Variants in ARHGAP39 observed in about 807,000 individuals in gnomAD.
The protein encoded by ARHGAP39 is Rho GTPase activating protein 39, also known as rho GTPase-activating protein 39.
A neutral mutation model predicts 106.9 loss-of-function variants in ARHGAP39; 44 were observed. The ratio of observed to expected loss-of-function variants is 0.41; its 90% CI spans 0.32 to 0.53. The LOEUF is 0.53. Among genes scored for constraint, ARHGAP39 ranks in the 20% least tolerant of loss-of-function variants. The pLI is 0.21. For synonymous variants in ARHGAP39, 768 were observed against 693.2 expected (o/e 1.11, Z -1.69); for missense variants, 1,496 against 1,577.3 (o/e 0.95, Z 0.87).
In ARHGAP39 at chr8:144,537,800, T is replaced by C. The variant is rs372291412; in HGVS notation, c.2535A>G (p.Ile845Met). The change falls in exon 7 of 12, where the codon ATA becomes ATG. Residue 845 changes from isoleucine (I) to methionine (M), a missense_variant. Transcript: ENST00000377307. The part of the protein sequence containing the change: ...PVNDTKVTQH[I>M]KELLERNTKK... ...TAGTGTTTCTTTCCAGGAGCTCTTTTATGTGCTGTGTCACTGGGGAGCAAA... is the reference window on the plus strand; with the variant it reads ...TAGTGTTTCTTTCCAGGAGCTCTTTCATGTGCTGTGTCACTGGGGAGCAAA... The C allele has an allele frequency of 1.1e-5, 17 of 1,613,962 alleles. No homozygotes were observed. The African/African-American group carries it at 1.9e-4, about 18-fold the overall frequency.
At chr8:144,569,686 G>C (rs954157926) in intron 3 of ARHGAP39, among the ~76,000 whole-genome samples, 1 of 152,246 alleles carries the variant, frequency 6.6e-6, no homozygotes, top group Non-Finnish European at 1.5e-5. Flanking sequence ...GGCACCAGTG[G>C]AAAGTGCACT....
At chr8:144,691,885 C>T in the ARHGAP39 span, among the ~76,000 whole-genome samples, 1 of 151,922 alleles carries the variant, frequency 6.6e-6, no homozygotes, top group Non-Finnish European at 1.5e-5. Flanking sequence ...GACAAGAAGC[C>T]GGCATTGACT....
rs1283725962 is a variant in ARHGAP39, at chr8:144,647,870, A to C, written c.-82+37816T>G. 6.6e-6 allele frequency among the ~76,000 whole-genome samples: 1 copy of C among 152,250 alleles called. No homozygotes were observed. Among genetic ancestry groups the C allele is most frequent in the Admixed American group, 6.5e-5 (1 of 15,292 alleles). On this transcript the variant is annotated intron_variant, in intron 1 of 11. Coordinates refer to ENST00000377307, the MANE Select transcript of ARHGAP39 (RefSeq NM_025251.3). This position sits in a 1 kb window ranked among gnomAD's most constrained non-coding sequence, Gnocchi z 4.8. ...ATGTGCCAAGTACTGTACATAAAAT[A>C]AGTCCATATCCAGACTCATTGCCCT...
At chr8:144,650,141 T>C (rs1027892959) in intron 1 of ARHGAP39, among the ~76,000 whole-genome samples, 1 of 151,506 alleles carries the variant, frequency 6.6e-6, no homozygotes, top group African/African-American at 2.4e-5. Flanking sequence ...AGACTCTGTC[T>C]TGGAAAAAAA....
chr8:144,601,925 G>GCA (rs1346036342), intron 2 of ARHGAP39, among the ~76,000 whole-genome samples: 4 of 145,866 alleles, frequency 2.7e-5, no homozygotes, highest in Admixed American at 6.9e-5. Flanking sequence ...ACCTGTGTGT[G>GCA]TGCATGGAGG....
At chr8:144,605,903 A>C (rs1482656466) in intron 1 of ARHGAP39, 3 of 454,516 alleles carry the variant, frequency 6.6e-6, no homozygotes, top group Non-Finnish European at 1.2e-5. Flanking sequence ...CCCCACACGC[A>C]GCAGGGAGGC....
In ARHGAP39 at chr8:144,595,349, C is replaced by T. The variant is rs115482402; in HGVS notation, c.80+10186G>A. ...GCGAAGGACCACTCGTATGATTCCA[C>T]GTACTTCAATCGTCTGGAGCAGGTG... On this transcript the variant is annotated intron_variant, in intron 2 of 11. Transcript: ENST00000377307. 2.3e-3 allele frequency among the ~76,000 whole-genome samples: 346 copies of T among 152,250 alleles called. 1 individual carries two copies. The highest frequency in any genetic ancestry group is 7.9e-3 in the African/African-American group (327 of 41,554).
At chr8:144,607,389 G>A (rs1820332988) in intron 1 of ARHGAP39, among the ~76,000 whole-genome samples, 2 of 152,108 alleles carry the variant, frequency 1.3e-5, no homozygotes, top group South Asian at 2.1e-4. Context: ...AGGGACCCAC[G>A]GCTGTATGGC....
intron 4 of ARHGAP39, among the ~76,000 whole-genome samples, chr8:144,554,092 CA>C (rs771459151): frequency 6.6e-6 from 1 of 152,226 alleles, no homozygotes; most frequent in Admixed American, 6.5e-5. Flanking sequence ...TGAGAGGGGC[CA>C]AAGGCACAAC....
In ARHGAP39 at chr8:144,621,799, G is replaced by A. The variant is rs148771840; in HGVS notation, c.-81-16104C>T. Among the ~76,000 whole-genome samples the A allele has an allele frequency of 3.8e-3, 580 of 152,270 alleles. 2 individuals are homozygous for A. Among genetic ancestry groups the A allele is most frequent in the Middle Eastern group, 0.014 (4 of 294 alleles). ...CGCCACTGCACTCTGCAGCCTGGGCGACAGGAGTGAGACCCTGTCTCAGAA... is the reference window on the plus strand; with the variant it reads ...CGCCACTGCACTCTGCAGCCTGGGCAACAGGAGTGAGACCCTGTCTCAGAA... On this transcript the variant is annotated intron_variant, in intron 1 of 11. Transcript: ENST00000377307.
intron 1 of ARHGAP39, among the ~76,000 whole-genome samples, chr8:144,677,416 G>A (rs959378566): frequency 1.3e-5 from 2 of 152,214 alleles, no homozygotes; most frequent in African/African-American, 2.4e-5. Flanking sequence ...AAGACACTAA[G>A]AGACAAGAGC....
Position 144,547,831 on chromosome 8 carries a change from C to G in ARHGAP39, c.1255G>C (p.Ala419Pro). Reference protein sequence around the residue: ...KLRAGPRHKYAPNPGGGSYSL... With the variant: ...KLRAGPRHKYPPNPGGGSYSL... The stretch of plus-strand genomic sequence containing the variant: ...TACGAACCACCGCCGGGGTTGGGCG[C>G]GTACTTGTGCCGCGGGCCGGCGCGC... The change falls in exon 5 of 12, where the codon GCG becomes CCG. Residue 419 changes from alanine (A) to proline (P), a missense_variant. Ala to Pro is a conservative substitution (Grantham distance 27). Around this residue, in one of 4 missense-constraint regions of ARHGAP39, gnomAD observed 905 missense variants for 816.4 expected, o/e 1.11. Transcript: ENST00000377307. This position sits in a 1 kb window ranked among gnomAD's most constrained non-coding sequence, Gnocchi z 5.2. 6.3e-7 allele frequency: 1 copy of G among 1,590,856 alleles called. No individual in the cohort carries two copies. Among genetic ancestry groups the G allele is most frequent in the South Asian group, 1.1e-5 (1 of 88,496 alleles).
intron 1 of ARHGAP39, among the ~76,000 whole-genome samples, chr8:144,668,945 C>T (rs915729514): frequency 6.6e-6 from 1 of 152,026 alleles, no homozygotes; most frequent in African/African-American, 2.4e-5. Context: ...ATTAAGACAG[C>T]GTGGCACGGG....
At chr8:144,575,191 G>A (rs973611389) in intron 3 of ARHGAP39, among the ~76,000 whole-genome samples, 5 of 152,196 alleles carry the variant, frequency 3.3e-5, no homozygotes, top group African/African-American at 1.2e-4. Flanking sequence ...GGCAGTTGCC[G>A]TGCGTGTCGG....
intron 2 of ARHGAP39, among the ~76,000 whole-genome samples, chr8:144,592,988 T>A (rs1329385398): frequency 6.6e-6 from 1 of 152,178 alleles, no homozygotes. Flanking sequence ...GTTTGAGGAA[T>A]ATTCATTTGG....
chr8:144,694,088 G>A, the ARHGAP39 span, among the ~76,000 whole-genome samples: 1 of 152,220 alleles, frequency 6.6e-6, no homozygotes, highest in Non-Finnish European at 1.5e-5. Flanking sequence ...CAGACTCCAC[G>A]TTCAGAGAGA....
chr8:144,535,022 G>A (rs910677979), intron 7 of ARHGAP39, among the ~76,000 whole-genome samples: 6 of 152,222 alleles, frequency 3.9e-5, no homozygotes, highest in Non-Finnish European at 7.4e-5. Context: ...GAAGCTGTCT[G>A]GGGCCAGGGG....
At chr8:144,574,532 G>A (rs1818701827) in intron 3 of ARHGAP39, among the ~76,000 whole-genome samples, 1 of 152,138 alleles carries the variant, frequency 6.6e-6, no homozygotes, top group Non-Finnish European at 1.5e-5. Flanking sequence ...AAATTAGCTG[G>A]GTGTGGTGGC....
At chr8:144,685,909 G>C (rs547817245), upstream of ARHGAP39, among the ~76,000 whole-genome samples, 1 of 149,970 alleles carries the variant, frequency 6.7e-6, no homozygotes, top group African/African-American at 2.4e-5. Context: ...CCCCCGCGGC[G>C]GTCACTACCC....
Sources: allele counts gnomAD v4.1 joint callset (sites outside exome capture counted in the v4.1 genomes callset), GRCh38; gene constraint gnomAD v4.1.1; regional missense constraint gnomAD v4.1.1; non-coding constraint Gnocchi (gnomAD v3.1); transcripts MANE v1.5; gene names NCBI Gene and HGNC (gene_info 2026-07-23, HGNC 2026-07-21).